The following SMTNL2 variants were observed in gnomAD, a reference collection of about 807,000 sequenced individuals.
SMTNL2 encodes the protein smoothelin-like protein 2.
Under a neutral mutation model 44.1 loss-of-function variants are expected in SMTNL2, and 43 were observed. The observed-to-expected ratio is 0.98, with a 90% CI of 0.76 to 1.26. The LOEUF (loss-of-function observed/expected upper bound fraction) is 1.26. Among genes scored for constraint, SMTNL2 ranks in the 50% most tolerant of loss-of-function variants. SMTNL2 has a pLI of 0.00. For missense variants in SMTNL2, 646 were observed against 670.2 expected (o/e 0.96, Z 0.40); for synonymous variants, 317 against 287.6 (o/e 1.10, Z -1.03).
rs541807244 is a variant in SMTNL2, at chr17:4,600,466, G to C, written c.1259+3143G>C. ...TCCCCAAACCACGGGTTCACCTTGC[G>C]TGAGGAATGAAGCATTTCCCCGAGC... is the stretch of plus-strand genomic sequence containing the variant. On this transcript the variant is annotated intron_variant, in intron 7 of 7. Coordinates refer to ENST00000389313, the MANE Select transcript of SMTNL2 (RefSeq NM_001114974.2). The surrounding 1 kb of genome is among the most constrained non-coding windows in gnomAD (Gnocchi z 4.7). Among the ~76,000 whole-genome samples the C allele has an allele frequency of 2.6e-5, 4 of 152,208 alleles. No individual in the cohort carries two copies. Among genetic ancestry groups the C allele is most frequent in the African/African-American group, 9.7e-5 (4 of 41,446 alleles).
intron 7 of SMTNL2, among the ~76,000 whole-genome samples, chr17:4,602,106 T>C (rs1910062275): frequency 6.6e-6 from 1 of 152,086 alleles, no homozygotes; most frequent in African/African-American, 2.4e-5. Flanking sequence ...CATTATATAA[T>C]ACTTACCGGT....
At position 4,584,780 on chromosome 17, in the gene SMTNL2, A is replaced by C. The variant is rs917876281; in HGVS notation, c.175A>C (p.Thr59Pro). The change falls in exon 1 of 8, where the codon ACG becomes CCG. Residue 59 changes from threonine (T) to proline (P), a missense_variant. Coordinates refer to ENST00000389313, the MANE Select transcript of SMTNL2 (RefSeq NM_001114974.2). ...GCGCCTGGCCGGCCCCCTGGCGCGC[A>C]CGGTGGCCGACCTGCAGCGGGACAA... ...AMRLAGPLAR[T>P]VADLQRDNQR... The C allele has an allele frequency of 7.6e-7, 1 of 1,308,736 alleles. No homozygotes were observed. Among genetic ancestry groups the C allele is most frequent in the African/African-American group, 1.6e-5 (1 of 64,320 alleles). The allele number at this position is 1,308,736 out of a possible 1,614,324, so 81.1% of individuals were successfully genotyped here.
intron 1 of SMTNL2, among the ~76,000 whole-genome samples, chr17:4,586,086 G>A (rs1448238182): frequency 1.3e-5 from 2 of 152,216 alleles, no homozygotes; most frequent in Admixed American, 6.5e-5. Flanking sequence ...TGGGGTGGGG[G>A]CTGTGCAGGA....
intron 1 of SMTNL2, among the ~76,000 whole-genome samples, chr17:4,586,527 AG>A: frequency 6.6e-6 from 1 of 151,840 alleles, no homozygotes; most frequent in South Asian, 2.1e-4. Context: ...AGAGAGAGAG[AG>A]AGAGAGAGAG....
intron 3 of SMTNL2, among the ~76,000 whole-genome samples, chr17:4,593,564 G>A (rs1040516973): frequency 1.8e-4 from 27 of 152,244 alleles, no homozygotes; most frequent in African/African-American, 6.5e-4. Context: ...CTGGATACAT[G>A]GCACGGGCCC....
upstream of SMTNL2, chr17:4,584,394 G>A (rs1490754407): frequency 4.7e-6 from 2 of 422,430 alleles, no homozygotes; most frequent in Non-Finnish European, 7.7e-6. Context: ...GGCTGGGCGA[G>A]CTCTCCCTCC....
intron 4 of SMTNL2, among the ~76,000 whole-genome samples, chr17:4,594,532 G>A (rs981216989): frequency 1.3e-4 from 20 of 152,036 alleles, no homozygotes; most frequent in African/African-American, 4.3e-4. Context: ...GCAGGAGGGA[G>A]AGGACAGGAG....
chr17:4,596,994 C>G lies in SMTNL2; in HGVS notation c.1107+17C>G. The G allele has an allele frequency of 6.7e-7, 1 of 1,486,432 alleles. No homozygotes were observed. The highest frequency in any genetic ancestry group is 1.3e-5 in the South Asian group (1 of 76,202). The allele number at this position is 1,486,432 out of a possible 1,614,324, so 92.1% of individuals were successfully genotyped here. On this transcript the variant is annotated intron_variant, in intron 6 of 7. Transcript: ENST00000389313. The stretch of plus-strand genomic sequence containing the variant: ...GGCTACCAGGTGAGCCCCGGCTCCC[C>G]TCCGGCTGCTGGGACGCCCCAGCTA...
rs761767745 is a variant in SMTNL2, at chr17:4,596,892, G to T, written c.1022G>T (p.Arg341Leu). 5 of 1,514,396 alleles carry T rather than the reference G, an allele frequency of 3.3e-6. No individual in the cohort carries two copies. The South Asian group carries it at 6.1e-5, about 18-fold the overall frequency. The allele number at this position is 1,514,396 out of a possible 1,614,324, so 93.8% of individuals were successfully genotyped here. Residue 341 changes from arginine to leucine, a missense_variant, in exon 6 of 8, where the codon CGG becomes CTG. Arg to Leu is a moderately radical substitution (Grantham distance 102). Coordinates refer to ENST00000389313, the MANE Select transcript of SMTNL2 (RefSeq NM_001114974.2). The stretch of plus-strand genomic sequence containing the variant: ...GGCGAGGCCCGGGCCAGGCTGAAGC[G>T]GTCGCAGAGCTTCGGCGTGGCCAGC... ...GKGEARARLKRSQSFGVASAS... is the reference protein window; with the variant it reads ...GKGEARARLKLSQSFGVASAS...
Position 4,607,271 on chromosome 17 carries a change from T to C in SMTNL2, c.1260-90T>C. 3.2e-6 allele frequency: 5 copies of C among 1,581,076 alleles called. No homozygotes were observed. In the South Asian group the frequency reaches 3.5e-5, roughly 11 times the overall value. On this transcript the variant is annotated intron_variant, in intron 7 of 7. Coordinates refer to ENST00000389313, the MANE Select transcript of SMTNL2 (RefSeq NM_001114974.2). The surrounding 1 kb of genome is among the most constrained non-coding windows in gnomAD (Gnocchi z 4.7). Reference sequence around the variant, plus strand: ...GAACCTCTGGCTGCCGGCTGAGCTCTGTTCCCGGGACCGAGACACCGGCCC... The same window carrying C: ...GAACCTCTGGCTGCCGGCTGAGCTCCGTTCCCGGGACCGAGACACCGGCCC...
intron 1 of SMTNL2, among the ~76,000 whole-genome samples, chr17:4,590,122 A>G (rs755970425): frequency 5.9e-5 from 9 of 151,296 alleles, no homozygotes; most frequent in Non-Finnish European, 1.2e-4. Flanking sequence ...ACCCACCACC[A>G]TGCCTGGCTA....
At chr17:4,605,345 G>T (rs1910228507) in intron 7 of SMTNL2, among the ~76,000 whole-genome samples, 2 of 151,750 alleles carry the variant, frequency 1.3e-5, no homozygotes, top group South Asian at 4.2e-4. Context: ...ACTTTTTATA[G>T]AGACGGGGTT....
At position 4,592,944 on chromosome 17, in the gene SMTNL2, C is replaced by G. The variant is rs200616239; in HGVS notation, c.503C>G (p.Pro168Arg). ...HQPGAGPGDG[P>R]PEIAQNFSAP... ...CATGTTCCAGGTCCAGGCGATGGAC[C>G]CCCTGAGATTGCCCAAAACTTCTCA... The change falls in exon 3 of 8, where the codon CCC becomes CGC. Residue 168 changes from proline (P) to arginine (R), a missense_variant. Transcript: ENST00000389313. The surrounding 1 kb of genome is among the most constrained non-coding windows in gnomAD (Gnocchi z 4.5). 361 of 1,612,480 alleles carry G rather than the reference C, an allele frequency of 2.2e-4. 3 individuals are homozygous for G. In the East Asian group the frequency reaches 6.2e-3, roughly 28 times the overall value.
In SMTNL2 at chr17:4,607,327, G is replaced by T; in HGVS notation, c.1260-34G>T. The T allele has an allele frequency of 6.2e-7, 1 of 1,611,794 alleles. No homozygotes were observed. Among genetic ancestry groups the T allele is most frequent in the Non-Finnish European group, 8.5e-7 (1 of 1,178,404 alleles). ...CGGCTGTGGGGCTGGCTGATGGCTG[G>T]GACCACCGTTCTGACGGGGCTTGTG... On this transcript the variant is annotated intron_variant, in intron 7 of 7. Transcript: ENST00000389313. This position sits in a 1 kb window ranked among gnomAD's most constrained non-coding sequence, Gnocchi z 4.7.
In SMTNL2 at chr17:4,607,534, G is replaced by A; in HGVS notation, c.*47G>A. On this transcript the variant is annotated 3_prime_UTR_variant, in exon 8 of 8. Coordinates refer to ENST00000389313, the MANE Select transcript of SMTNL2 (RefSeq NM_001114974.2). The surrounding 1 kb of genome is among the most constrained non-coding windows in gnomAD (Gnocchi z 4.7). ...AAAGAGCAGCCCCAGGAAGAGGCCG[G>A]GGGTCCGCTTGCGATTCCCCAGCCA... 6 of 1,596,432 alleles carry A rather than the reference G, an allele frequency of 3.8e-6. No homozygotes were observed. The highest frequency in any genetic ancestry group is 5.1e-6 in the Non-Finnish European group (6 of 1,167,280).
intron 1 of SMTNL2, among the ~76,000 whole-genome samples, chr17:4,587,032 G>T (rs1909369972): frequency 6.6e-6 from 1 of 152,206 alleles, no homozygotes; most frequent in South Asian, 2.1e-4. Flanking sequence ...GAAGCAAAGA[G>T]TCTGAAGGAA....
chr17:4,599,390 G>A lies in SMTNL2; in HGVS notation c.1259+2067G>A, dbSNP rs569172344. ...CTCATGAGGATGGGGCCCAGCTGCC[G>A]AAGCCCAGACGTGGCAACCGTCAAT... is the stretch of plus-strand genomic sequence containing the variant. On this transcript the variant is annotated intron_variant, in intron 7 of 7. Coordinates refer to ENST00000389313, the MANE Select transcript of SMTNL2 (RefSeq NM_001114974.2). Among the ~76,000 whole-genome samples, 8 of 152,226 alleles carry A rather than the reference G, an allele frequency of 5.3e-5. No individual in the cohort carries two copies. In the East Asian group the frequency reaches 7.7e-4, roughly 15 times the overall value.
In SMTNL2 at chr17:4,593,813, C is replaced by T. The variant is rs1049431109; in HGVS notation, c.731-9C>T. On this transcript the variant is annotated splice_polypyrimidine_tract_variant and intron_variant, in intron 3 of 7. Transcript: ENST00000389313. ...GGGTTTGTTACTTCTCTCCCTCTCT[C>T]TTCCACAGAGAAGAATTCCTCTTTC... 6.8e-6 allele frequency: 11 copies of T among 1,613,348 alleles called. No homozygotes were observed. The highest frequency in any genetic ancestry group is 9.3e-6 in the Non-Finnish European group (11 of 1,179,880).
intron 1 of SMTNL2, among the ~76,000 whole-genome samples, chr17:4,586,722 G>A (rs538233325): frequency 6.6e-6 from 1 of 152,308 alleles, no homozygotes; most frequent in East Asian, 1.9e-4. Context: ...TAACTTGATT[G>A]TGATGGTCCA....
Sources: gnomAD v4.1 joint callset for allele counts (sites outside exome capture counted in the v4.1 genomes callset) on GRCh38, gnomAD v4.1.1 for gene constraint, Gnocchi (gnomAD v3.1) non-coding constraint, MANE v1.5 for transcripts, NCBI Gene and HGNC (gene_info 2026-07-23, HGNC 2026-07-21) for gene names.